Variants in KDM4C observed in about 807,000 individuals in gnomAD.
KDM4C encodes lysine demethylase 4C.
KDM4C carries 81 observed loss-of-function variants against 129.3 expected under a neutral mutation model. The ratio of observed to expected loss-of-function variants is 0.63; its 90% confidence interval spans 0.52 to 0.75. KDM4C has a LOEUF of 0.75. Among genes scored for constraint, KDM4C ranks in the 30% least tolerant of loss-of-function variants. The pLI is 0.00. For synonymous variants in KDM4C, 573 were observed against 456.1 expected (o/e 1.26, Z -3.26); for missense variants, 1,457 against 1,304.0 (o/e 1.12, Z -1.81).
chr9:6,767,286 C>T (rs1056902724), intron 1 of KDM4C, among the ~76,000 whole-genome samples: 3 of 151,294 alleles, frequency 2.0e-5, no homozygotes, highest in African/African-American at 7.3e-5. Context: ...CTACAGGCAC[C>T]CCTCACCTCA....
At chr9:6,969,568 A>G (rs1831585783) in intron 8 of KDM4C, among the ~76,000 whole-genome samples, 1 of 152,222 alleles carries the variant, frequency 6.6e-6, no homozygotes, top group Non-Finnish European at 1.5e-5. Context: ...TAACTTTTAC[A>G]TCCGTGCCTG....
chr9:6,959,090 T>C lies in KDM4C; in HGVS notation c.922-21835T>C, dbSNP rs78400378. On this transcript the variant is annotated intron_variant, in intron 8 of 21. Transcript: ENST00000381309. ...TAGTCCTGCCCAAGTTTTCTCTTCC[T>C]TTTTCAGAGATATCCAGGAACCCAG... Among the ~76,000 whole-genome samples the C allele has an allele frequency of 1.8e-4, 27 of 152,354 alleles. No homozygotes were observed. The East Asian group carries it at 5.0e-3, about 28-fold the overall frequency.
chr9:7,146,718 C>T (rs1349532451), intron 19 of KDM4C, among the ~76,000 whole-genome samples: 1 of 152,220 alleles, frequency 6.6e-6, no homozygotes, highest in Non-Finnish European at 1.5e-5. Context: ...GACAGCCCCA[C>T]CCATCTACTT....
In KDM4C at chr9:7,070,349, T is replaced by A. The variant is rs547363959; in HGVS notation, c.2424+21149T>A. ...TATAGCAGTTCTACCTAAACACTTT[T>A]AAAAAATTAGAAGTGAAGGGAACAC... On this transcript the variant is annotated intron_variant, in intron 17 of 21. Transcript: ENST00000381309. 5.9e-5 allele frequency among the ~76,000 whole-genome samples: 9 copies of A among 152,264 alleles called. No individual in the cohort carries two copies. In the South Asian group the frequency reaches 1.9e-3, roughly 32 times the overall value.
At chr9:7,156,491 A>T (rs1314462258) in intron 19 of KDM4C, among the ~76,000 whole-genome samples, 1 of 152,152 alleles carries the variant, frequency 6.6e-6, no homozygotes, top group African/African-American at 2.4e-5. Flanking sequence ...TTTTAGGTCT[A>T]ACATTTAAGT....
intron 17 of KDM4C, among the ~76,000 whole-genome samples, 175 bp downstream of exon 17, chr9:7,049,375 T>C (rs1829843756): frequency 6.6e-6 from 1 of 152,148 alleles, no homozygotes; most frequent in Non-Finnish European, 1.5e-5. Flanking sequence ...TTTCCTGTTA[T>C]ATTGTAAGTT....
At chr9:7,158,401 C>T (rs1843421668) in intron 19 of KDM4C, among the ~76,000 whole-genome samples, 1 of 151,810 alleles carries the variant, frequency 6.6e-6, no homozygotes. Context: ...CTTCCAGTAG[C>T]TCTTGCTTCT....
chr9:7,124,487 A>G (rs930438991), intron 18 of KDM4C, among the ~76,000 whole-genome samples: 10 of 152,042 alleles, frequency 6.6e-5, no homozygotes, highest in South Asian at 6.2e-4. Flanking sequence ...CACAGGCCCA[A>G]TCTTGGAGTC....
intron 8 of KDM4C, chr9:6,925,187 G>C (rs1162933186): frequency 2.0e-6 from 2 of 985,254 alleles, no homozygotes; most frequent in African/African-American, 1.7e-5. Context: ...AAACATCCAG[G>C]GCTGTCACTG....
intron 17 of KDM4C, among the ~76,000 whole-genome samples, chr9:7,052,894 A>AGAGAGAGAGAGAGAGCGAGAGC (rs1339242817): frequency 1.9e-5 from 2 of 105,500 alleles, no homozygotes; most frequent in East Asian, 2.6e-4. Flanking sequence ...AGAGAGAGAG[A>AGAGAGAGAGAGAGAGCGAGAGC]GAGAGAGCGA....
At chr9:6,949,812 G>A (rs926841305) in intron 8 of KDM4C, among the ~76,000 whole-genome samples, 3 of 152,192 alleles carry the variant, frequency 2.0e-5, no homozygotes, top group African/African-American at 7.2e-5. Context: ...GCTTCGGCTC[G>A]GCATCAGAGG....
chr9:6,817,140 C>T (rs1832248880), intron 4 of KDM4C, among the ~76,000 whole-genome samples: 1 of 149,278 alleles, frequency 6.7e-6, no homozygotes, highest in East Asian at 2.0e-4. Flanking sequence ...TTTTCAGTTA[C>T]TTAAGAAAAT....
intron 19 of KDM4C, among the ~76,000 whole-genome samples, chr9:7,155,670 C>A (rs992918511): frequency 2.0e-5 from 3 of 152,160 alleles, no homozygotes; most frequent in Non-Finnish European, 4.4e-5. Flanking sequence ...ATCCATGTCC[C>A]TTCAAAGGAC....
chr9:7,098,911 G>T, intron 17 of KDM4C, among the ~76,000 whole-genome samples: 1 of 152,216 alleles, frequency 6.6e-6, no homozygotes, highest in African/African-American at 2.4e-5. Flanking sequence ...AAAAATCAAA[G>T]GATTCTATTA....
intron 1 of KDM4C, among the ~76,000 whole-genome samples, chr9:6,744,971 C>T (rs759844398): frequency 2.2e-4 from 33 of 152,150 alleles, no homozygotes; most frequent in Non-Finnish European, 4.3e-4. Flanking sequence ...CAGCCCTCTT[C>T]CTCCTCCTAT....
chr9:6,835,400 TCAC>T (rs1375221762), intron 4 of KDM4C: 3 of 1,135,784 alleles, frequency 2.6e-6, no homozygotes, highest in Admixed American at 3.4e-5. Context: ...CAGAAGGAGA[TCAC>T]CGCCCTGGCG....
At chr9:7,074,675 A>T (rs1833675928) in intron 17 of KDM4C, among the ~76,000 whole-genome samples, 1 of 152,140 alleles carries the variant, frequency 6.6e-6, no homozygotes, top group African/African-American at 2.4e-5. Context: ...CAGATTTAGC[A>T]ATTTACCTAT....
chr9:6,990,291 A>C (rs775320886), intron 11 of KDM4C, 125 bp from the exon 12 acceptor site: 136 of 688,610 alleles, frequency 2.0e-4, no homozygotes, highest in Non-Finnish European at 3.1e-4. Context: ...TAGTTCCCCA[A>C]GAGGTAAACA....
chr9:7,154,208 T>TA (rs1373982992), intron 19 of KDM4C, among the ~76,000 whole-genome samples: 3 of 152,208 alleles, frequency 2.0e-5, no homozygotes, highest in African/African-American at 7.2e-5. Context: ...CTATGATACT[T>TA]ACGTGGCTGT....
Sources: gnomAD v4.1 joint callset for allele counts (sites outside exome capture counted in the v4.1 genomes callset) on GRCh38, gnomAD v4.1.1 for gene constraint, MANE v1.5 for transcripts, NCBI Gene and HGNC (gene_info 2026-07-23, HGNC 2026-07-21) for gene names.